The following CLVS1 variants were observed in gnomAD, a reference collection of about 807,000 sequenced individuals.
CLVS1 encodes clavesin-1.
Under a neutral mutation model 33.1 loss-of-function variants are expected in CLVS1, and 10 were observed. That is an observed-to-expected ratio of 0.30 (90% confidence interval 0.19 to 0.51). The LOEUF is 0.51. Among genes scored for constraint, CLVS1 ranks in the 20% least tolerant of loss-of-function variants. The pLI is 0.97. For missense variants in CLVS1, 343 were observed against 433.4 expected, an observed-to-expected ratio of 0.79 and a Z score of 1.85; for synonymous variants, 163 against 166.1, an observed-to-expected ratio of 0.98 and a Z score of 0.14.
chr8:61,385,599 T>C (rs188750458), intron 3 of CLVS1, among the ~76,000 whole-genome samples: 127 of 152,376 alleles, frequency 8.3e-4, no homozygotes, highest in Middle Eastern at 3.4e-3. Flanking sequence ...GACAATTCTC[T>C]GTATCTTCCA....
chr8:61,252,272 G>T (rs1049394074), intron 2 of CLVS1, among the ~76,000 whole-genome samples: 1 of 152,122 alleles, frequency 6.6e-6, no homozygotes, highest in Non-Finnish European at 1.5e-5. Context: ...TTGCACTGTG[G>T]TCTGAGAGAC....
chr8:61,276,630 C>A (rs1353537890), intron 2 of CLVS1, among the ~76,000 whole-genome samples: 1 of 152,170 alleles, frequency 6.6e-6, no homozygotes. Context: ...CTATGCACCT[C>A]AATGACAAAT....
intron 5 of CLVS1, among the ~76,000 whole-genome samples, chr8:61,487,912 A>T (rs1463416595): frequency 2.0e-5 from 3 of 152,178 alleles, no homozygotes; most frequent in African/African-American, 7.2e-5. Context: ...GCATTTTTCT[A>T]CCTGCTTCAG....
At chr8:60,983,012 G>A in the CLVS1 span, among the ~76,000 whole-genome samples, 1 of 152,174 alleles carries the variant, frequency 6.6e-6, no homozygotes, top group East Asian at 1.9e-4. Context: ...TAAGCAGAAA[G>A]ACTTACGCTA....
At position 61,299,618 on chromosome 8, in the gene CLVS1, G is replaced by T. The variant is rs1810355900; in HGVS notation, c.-151-59G>T. 5.5e-6 allele frequency: 3 copies of T among 544,962 alleles called. No homozygotes were observed. In the Admixed American group the frequency reaches 1.0e-4, roughly 19 times the overall value. 33.8% of individuals were successfully genotyped at this position (544,962 alleles called of 1,614,324 possible). On this transcript the variant is annotated intron_variant, in intron 1 of 5. Transcript: ENST00000325897. ...TTTCTATCTAAGCTCCAATTAATTT[G>T]CCCAGACTTTCTTTGTATCATCTCT...
At chr8:61,236,239 C>T (rs995605297) in intron 2 of CLVS1, among the ~76,000 whole-genome samples, 4 of 152,190 alleles carry the variant, frequency 2.6e-5, no homozygotes, top group African/African-American at 9.7e-5. Context: ...ATGGGCACAA[C>T]ACCTGAAGCC....
At chr8:61,441,403 T>G (rs948587848) in intron 3 of CLVS1, among the ~76,000 whole-genome samples, 2 of 152,168 alleles carry the variant, frequency 1.3e-5, no homozygotes, top group African/African-American at 4.8e-5. Context: ...CAGAGGAATC[T>G]TAGTAGATGG....
At position 61,414,689 on chromosome 8, in the gene CLVS1, C is replaced by T. The variant is rs116678575; in HGVS notation, c.630+37910C>T. Among the ~76,000 whole-genome samples the T allele has an allele frequency of 8.6e-3, 1,304 of 152,152 alleles. 20 individuals carry two copies. The highest frequency in any genetic ancestry group is 0.029 in the African/African-American group (1,220 of 41,494). On this transcript the variant is annotated intron_variant, in intron 3 of 5. Transcript: ENST00000325897. Reference sequence around the variant, plus strand: ...TAATCAACTAAGGAAAGCTGAAGTCCACAGATGAAGAGAAAGAGAAACACC... The same window carrying T: ...TAATCAACTAAGGAAAGCTGAAGTCTACAGATGAAGAGAAAGAGAAACACC...
chr8:61,070,286 T>C (rs1045723587), intron 1 of CLVS1, among the ~76,000 whole-genome samples: 1 of 152,232 alleles, frequency 6.6e-6, no homozygotes, highest in Non-Finnish European at 1.5e-5. Context: ...TTATTTTAGC[T>C]TTATCCTCAG....
chr8:61,008,791 G>A, the CLVS1 span, among the ~76,000 whole-genome samples: 1 of 152,158 alleles, frequency 6.6e-6, no homozygotes, highest in Admixed American at 6.5e-5. Flanking sequence ...GTGAAAGACT[G>A]GCTATTTCCC....
chr8:61,012,596 A>G, the CLVS1 span, among the ~76,000 whole-genome samples: 1 of 152,136 alleles, frequency 6.6e-6, no homozygotes, highest in African/African-American at 2.4e-5. Context: ...TTCAGCGTGC[A>G]TGACATGTAT....
chr8:61,105,601 T>C (rs527256572), intron 1 of CLVS1, among the ~76,000 whole-genome samples: 66 of 152,340 alleles, frequency 4.3e-4, no homozygotes, highest in Admixed American at 2.2e-3. Context: ...CCAGGTACTC[T>C]CTGTGCCCTG....
In CLVS1 at chr8:61,347,551, T is replaced by C. The variant is rs1812262265; in HGVS notation, c.456-29054T>C. 2.0e-5 allele frequency among the ~76,000 whole-genome samples: 3 copies of C among 149,892 alleles called. No individual in the cohort carries two copies. The Admixed American group carries it at 2.0e-4, about 10-fold the overall frequency. ...TAAAAGGGATAAATTCAAGATTATCTGTTATACAACATGTTGTACATGTTT... is the reference window on the plus strand; with the variant it reads ...TAAAAGGGATAAATTCAAGATTATCCGTTATACAACATGTTGTACATGTTT... On this transcript the variant is annotated intron_variant, in intron 2 of 5. Transcript: ENST00000325897.
At chr8:61,247,719 A>G (rs895566725) in intron 2 of CLVS1, among the ~76,000 whole-genome samples, 2 of 152,180 alleles carry the variant, frequency 1.3e-5, no homozygotes, top group Non-Finnish European at 2.9e-5. Flanking sequence ...CATAGTTTGC[A>G]AAAATTTTCT....
At chr8:61,228,291 T>A (rs902983805) in intron 2 of CLVS1, among the ~76,000 whole-genome samples, 4 of 152,196 alleles carry the variant, frequency 2.6e-5, no homozygotes, top group Middle Eastern at 3.2e-3. Flanking sequence ...ATGCCTCACC[T>A]AAAGTACTTA....
intron 2 of CLVS1, among the ~76,000 whole-genome samples, chr8:61,312,783 G>T (rs79259832): frequency 6.6e-6 from 1 of 152,104 alleles, no homozygotes; most frequent in African/African-American, 2.4e-5. Flanking sequence ...CGCAAAGCTC[G>T]TTAGTGCTTT....
At chr8:61,270,474 C>T (rs1291811479) in intron 2 of CLVS1, among the ~76,000 whole-genome samples, 6 of 152,046 alleles carry the variant, frequency 3.9e-5, no homozygotes, top group Admixed American at 1.3e-4. Context: ...TCTAAAATTC[C>T]CTTTTTTTGT....
intron 2 of CLVS1, among the ~76,000 whole-genome samples, chr8:61,273,223 G>A (rs113113236): frequency 0.058 from 8,836 of 151,458 alleles, 382 homozygotes; most frequent in African/African-American, 0.13. Context: ...AGGACCCTCA[G>A]CTGCAGGTCT....
At chr8:61,357,402 A>T (rs1404336144) in intron 2 of CLVS1, among the ~76,000 whole-genome samples, 1 of 151,720 alleles carries the variant, frequency 6.6e-6, no homozygotes, top group African/African-American at 2.4e-5. Context: ...CAATTGTTGA[A>T]TCAAATGGTA....
Sources: gnomAD v4.1 joint callset for allele counts (sites outside exome capture counted in the v4.1 genomes callset) on GRCh38, gnomAD v4.1.1 for gene constraint, MANE v1.5 for transcripts, NCBI Gene and HGNC (gene_info 2026-07-23, HGNC 2026-07-21) for gene names.